AP1B1: variants seen among roughly 807,000 people sequenced by gnomAD.
The protein encoded by AP1B1 is AP-1 complex subunit beta-1.
A neutral mutation model predicts 104.3 loss-of-function variants in AP1B1; 36 were observed. The ratio of observed to expected loss-of-function variants is 0.35; its 90% confidence interval spans 0.26 to 0.46. AP1B1 has a LOEUF of 0.46. Among genes scored for constraint, AP1B1 ranks in the 20% least tolerant of loss-of-function variants. The probability of loss-of-function intolerance (pLI) is 1.00; values close to 1 mark genes in which losing one functional copy is unlikely to be tolerated. For synonymous variants in AP1B1, 504 were observed against 517.5 expected, an observed-to-expected ratio of 0.97 and a Z score of 0.35; for missense variants, 901 against 1,247.9, an observed-to-expected ratio of 0.72 and a Z score of 4.19.
At chr22:29,366,165 G>GC (rs1346576649) in intron 2 of AP1B1, among the ~76,000 whole-genome samples, 5 of 152,134 alleles carry the variant, frequency 3.3e-5, no homozygotes, top group Admixed American at 6.6e-5. Flanking sequence ...ACATTTGTCA[G>GC]CCACGACGAC....
At chr22:29,372,664 G>T (rs561949126) in intron 1 of AP1B1, among the ~76,000 whole-genome samples, 1 of 152,164 alleles carries the variant, frequency 6.6e-6, no homozygotes, top group East Asian at 1.9e-4. Context: ...TTGGTTTTTA[G>T]CTGCTGAAGT....
At chr22:29,351,625 C>A in intron 8 of AP1B1, 80 bp downstream of exon 8, 1 of 1,560,760 alleles carries the variant, frequency 6.4e-7, no homozygotes, top group Admixed American at 1.9e-5. Context: ...AGACTGGTCA[C>A]CTGGGCCAGA....
intron 9 of AP1B1, among the ~76,000 whole-genome samples, chr22:29,350,447 G>A (rs2061856956): frequency 6.6e-6 from 1 of 152,144 alleles, no homozygotes; most frequent in Non-Finnish European, 1.5e-5. Context: ...AGGTGACTAC[G>A]CTGCAGTCCA....
In AP1B1 at chr22:29,330,466, T is replaced by C; in HGVS notation, c.2678A>G (p.Gln893Arg). The C allele has an allele frequency of 6.2e-7, 1 of 1,613,868 alleles. No individual in the cohort carries two copies. Among genetic ancestry groups the C allele is most frequent in the South Asian group, 1.1e-5 (1 of 91,084 alleles). The change falls in exon 21 of 23, where the codon CAG becomes CGG. Residue 893 changes from glutamine (Q) to arginine (R), a missense_variant. Around this residue, in one of 3 missense-constraint regions of AP1B1, gnomAD observed 424 missense variants for 494.0 expected, o/e 0.86. Coordinates refer to ENST00000357586, the MANE Select transcript of AP1B1 (RefSeq NM_001127.4). The part of the protein sequence containing the change: ...FTVAKRNVEG[Q>R]DMLYQSLKLT... ...CTTCAGGGACTGGTAGAGCATGTCC[T>C]GGCCCTCCACGTTCCTCTTGGCGAC...
Position 29,349,319 on chromosome 22 carries a change from C to A in AP1B1, c.1336G>T (p.Ala446Ser), listed in dbSNP as rs543593960. The change falls in exon 11 of 23, where the codon GCT becomes TCT. Residue 446 changes from alanine to serine, a missense_variant. Physicochemically the swap from Ala to Ser is moderately conservative, Grantham distance 99. Coordinates refer to ENST00000357586, the MANE Select transcript of AP1B1 (RefSeq NM_001127.4). The stretch of plus-strand genomic sequence containing the variant: ...TCGCCCACAATCCAGATCATGGCAG[C>A]CCGGGCCTCAGGCTCATCCAGGGAG... ...LDSLDEPEAR[A>S]AMIWIVGEYA... The A allele has an allele frequency of 5.6e-6, 9 of 1,614,140 alleles. No homozygotes were observed. The Admixed American group carries it at 1.0e-4, about 18-fold the overall frequency.
intron 16 of AP1B1, among the ~76,000 whole-genome samples, chr22:29,335,300 A>G (rs2061622495): frequency 6.6e-6 from 1 of 152,160 alleles, no homozygotes; most frequent in African/African-American, 2.4e-5. Context: ...CTTGAGGTGA[A>G]AAGGCTCAGA....
In AP1B1 at chr22:29,340,867, C is replaced by G. The variant is rs2061704357; in HGVS notation, c.1797-10G>C. The G allele has an allele frequency of 1.1e-5, 18 of 1,584,964 alleles. No homozygotes were observed. The highest frequency in any genetic ancestry group is 1.4e-5 in the Non-Finnish European group (16 of 1,167,748). ...CTCTGCGCTCTCACTCCTGCCGGGA[C>G]ACAGAAGTAGGGTGGAGGCATCAGG... On this transcript the variant is annotated splice_polypyrimidine_tract_variant and intron_variant, in intron 13 of 22. Coordinates refer to ENST00000357586, the MANE Select transcript of AP1B1 (RefSeq NM_001127.4).
intron 2 of AP1B1, among the ~76,000 whole-genome samples, chr22:29,363,426 G>A (rs1569162147): frequency 6.6e-6 from 1 of 152,164 alleles, no homozygotes; most frequent in Non-Finnish European, 1.5e-5. Context: ...GAGGCAGGCG[G>A]ATCACGAGGT....
Position 29,354,775 on chromosome 22 carries a change from A to C in AP1B1, c.813T>G (p.Ser271=). The change falls in exon 7 of 23, where the codon TCT becomes TCG. Residue 271 remains serine (S), a synonymous_variant. Transcript: ENST00000357586. ...GTGTGCCGTAGTAGTCCAAGTCCTT[A>C]GACAACATCTCCATGAACTTCATCA... is the stretch of plus-strand genomic sequence containing the variant. ...KVLMKFMEML[S]KDLDYYGTLL... 2 of 1,614,108 alleles carry C rather than the reference A, an allele frequency of 1.2e-6. No individual in the cohort carries two copies. Among genetic ancestry groups the C allele is most frequent in the Non-Finnish European group, 1.7e-6 (2 of 1,180,028 alleles).
chr22:29,355,633 G>A (rs1306394953), intron 6 of AP1B1, among the ~76,000 whole-genome samples: 1 of 151,952 alleles, frequency 6.6e-6, no homozygotes, highest in East Asian at 1.9e-4. Context: ...CTGACACAAC[G>A]CATGTAAAGA....
At chr22:29,348,145 T>C (rs980171525) in intron 11 of AP1B1, among the ~76,000 whole-genome samples, 2 of 152,266 alleles carry the variant, frequency 1.3e-5, no homozygotes, top group Non-Finnish European at 2.9e-5. Flanking sequence ...TGTTTGTGAA[T>C]CTGCCTACTT....
chr22:29,339,202 A>T, intron 15 of AP1B1, 69 bp from the exon 16 acceptor site: 1 of 1,585,060 alleles, frequency 6.3e-7, no homozygotes, highest in South Asian at 1.1e-5. Flanking sequence ...GGGAATGAGT[A>T]GAGCCACCTG....
intron 11 of AP1B1, among the ~76,000 whole-genome samples, chr22:29,345,167 T>G (rs1213385469): frequency 6.7e-6 from 1 of 149,878 alleles, no homozygotes; most frequent in East Asian, 2.0e-4. Flanking sequence ...CAAGCAATCC[T>G]CCCACCTAGG....
intron 7 of AP1B1, among the ~76,000 whole-genome samples, chr22:29,353,740 C>T (rs1396047089): frequency 6.6e-6 from 1 of 152,188 alleles, no homozygotes; most frequent in East Asian, 1.9e-4. Flanking sequence ...GGCCCCAGTT[C>T]TCTGTGTAGC....
chr22:29,358,628 T>G, intron 5 of AP1B1, 98 bp downstream of exon 5: 1 of 1,485,486 alleles, frequency 6.7e-7, no homozygotes. Context: ...GGCTCCGACT[T>G]CTAGGTACTC....
chr22:29,339,827 AAAAGCCAGG>A (rs1417849596), intron 14 of AP1B1, 53 bp from the exon 15 acceptor site: 1 of 1,567,896 alleles, frequency 6.4e-7, no homozygotes, highest in African/African-American at 1.4e-5. Flanking sequence ...TGCAGAGAGA[AAAAGCCAGG>A]AAGGAAGACA....
At chr22:29,342,630 T>G (rs550362030) in intron 11 of AP1B1, among the ~76,000 whole-genome samples, 2 of 152,356 alleles carry the variant, frequency 1.3e-5, no homozygotes, top group East Asian at 1.9e-4. Flanking sequence ...CAAACCCAAG[T>G]AGGCCAGGGG....
At chr22:29,351,380 G>T in intron 8 of AP1B1, 114 bp from the exon 9 acceptor site, 1 of 1,228,800 alleles carries the variant, frequency 8.1e-7, no homozygotes, top group Non-Finnish European at 1.2e-6. Flanking sequence ...TCTGCCTCCT[G>T]CTCCAGGTAG....
At chr22:29,372,320 A>C (rs972942889) in intron 1 of AP1B1, among the ~76,000 whole-genome samples, 4 of 150,170 alleles carry the variant, frequency 2.7e-5, no homozygotes, top group Non-Finnish European at 4.4e-5. Flanking sequence ...GCTACTCGGG[A>C]GGCTGAGGTA....
Sources: gnomAD v4.1 joint callset for allele counts (sites outside exome capture counted in the v4.1 genomes callset) on GRCh38, gnomAD v4.1.1 for gene constraint, gnomAD v4.1.1 regional missense constraint, MANE v1.5 for transcripts, NCBI Gene and HGNC (gene_info 2026-07-23, HGNC 2026-07-21) for gene names.